The following APP variants were observed in gnomAD, a reference collection of about 807,000 sequenced individuals.
APP encodes the protein amyloid-beta precursor protein.
Under a neutral mutation model 101.4 loss-of-function variants are expected in APP, and 31 were observed. That is an observed-to-expected ratio of 0.31 (90% CI 0.23 to 0.41). APP has a LOEUF of 0.41. APP is among the 10% of genes least tolerant of loss of function. The pLI, the probability that APP is intolerant of heterozygous loss-of-function variation, is 1.00. For synonymous variants in APP, 366 were observed against 364.4 expected (o/e 1.00, Z -0.05); for missense variants, 839 against 1,003.7 (o/e 0.84, Z 2.22).
intron 3 of APP, among the ~76,000 whole-genome samples, chr21:26,057,706 G>A (rs2046099592): frequency 1.3e-5 from 2 of 152,154 alleles, no homozygotes; most frequent in South Asian, 4.2e-4. Flanking sequence ...CAGGTCAAGT[G>A]ACTTGCCCAC....
rs148136205 is a variant in APP, at chr21:25,968,042, C to T, written c.1458+7028G>A. On this transcript the variant is annotated intron_variant, in intron 11 of 17. Coordinates refer to ENST00000346798, the MANE Select transcript of APP (RefSeq NM_000484.4). ...GTTTAGAAGAGTCACTAGCCTTCAACAGAGTAAGAGTTTTTTCTGAGTGCA... is the reference window on the plus strand; with the variant it reads ...GTTTAGAAGAGTCACTAGCCTTCAATAGAGTAAGAGTTTTTTCTGAGTGCA... Among the ~76,000 whole-genome samples, 557 of 152,318 alleles carry T rather than the reference C, an allele frequency of 3.7e-3. 1 individual carries two copies. The highest frequency in any genetic ancestry group is 6.0e-3 in the Non-Finnish European group (405 of 68,028).
chr21:25,887,693 G>T (rs1304169385), intron 17 of APP, among the ~76,000 whole-genome samples: 1 of 150,522 alleles, frequency 6.6e-6, no homozygotes, highest in East Asian at 1.9e-4. Context: ...TTTCTAGTTT[G>T]TTTAGATACG....
intron 1 of APP, among the ~76,000 whole-genome samples, chr21:26,117,272 CA>C (rs1320967567): frequency 1.3e-5 from 2 of 152,270 alleles, no homozygotes; most frequent in Non-Finnish European, 2.9e-5. Flanking sequence ...CTATACCCCA[CA>C]AGAGTGCTTT....
intron 5 of APP, among the ~76,000 whole-genome samples, chr21:26,026,399 A>C (rs927067674): frequency 1.6e-4 from 25 of 152,216 alleles, no homozygotes; most frequent in African/African-American, 5.3e-4. Flanking sequence ...CTGATGATAA[A>C]ATTTTATGTG....
chr21:25,997,291 G>A (rs1568829104), intron 8 of APP, 69 bp downstream of exon 8: 2 of 1,412,328 alleles, frequency 1.4e-6, no homozygotes, highest in South Asian at 1.2e-5. Flanking sequence ...AGGTGATGAT[G>A]CTGGAGTTAT....
chr21:26,056,962 A>G (rs1254213275), intron 3 of APP, among the ~76,000 whole-genome samples: 1 of 152,248 alleles, frequency 6.6e-6, no homozygotes, highest in Non-Finnish European at 1.5e-5. Flanking sequence ...TAAGAGTGCT[A>G]AAAGTATAAT....
intron 1 of APP, among the ~76,000 whole-genome samples, chr21:26,157,215 A>G (rs923939935): frequency 5.3e-5 from 8 of 152,080 alleles, no homozygotes; most frequent in Non-Finnish European, 1.2e-4. Flanking sequence ...GACTACAGGC[A>G]TGCACCACCA....
intron 1 of APP, among the ~76,000 whole-genome samples, chr21:26,122,457 G>A (rs989359991): frequency 5.3e-5 from 8 of 152,118 alleles, no homozygotes; most frequent in Admixed American, 1.3e-4. Flanking sequence ...AGCAGCTATC[G>A]GGGGATAAGG....
intron 15 of APP, among the ~76,000 whole-genome samples, chr21:25,898,256 A>G (rs1410478838): frequency 6.6e-6 from 1 of 152,212 alleles, no homozygotes; most frequent in African/African-American, 2.4e-5. Flanking sequence ...TCTGCTGAAT[A>G]AAGAGCTATA....
At chr21:26,119,822 G>C (rs1842708311) in intron 1 of APP, among the ~76,000 whole-genome samples, 1 of 152,138 alleles carries the variant, frequency 6.6e-6, no homozygotes, top group South Asian at 2.1e-4. Context: ...TGGAGGACTT[G>C]GTAACTGGGC....
At chr21:26,165,101 T>A (rs1356063238) in intron 1 of APP, among the ~76,000 whole-genome samples, 1 of 151,714 alleles carries the variant, frequency 6.6e-6, no homozygotes, top group Non-Finnish European at 1.5e-5. Context: ...CATGTGCTTT[T>A]TAAATTTAGA....
chr21:26,133,999 C>T (rs552415588), intron 1 of APP, among the ~76,000 whole-genome samples: 2 of 152,308 alleles, frequency 1.3e-5, no homozygotes, highest in Non-Finnish European at 2.9e-5. Flanking sequence ...CCATTGACTT[C>T]GCTTATGTTG....
chr21:25,992,381 C>A (rs1461816441), intron 8 of APP, among the ~76,000 whole-genome samples: 1 of 130,376 alleles, frequency 7.7e-6, no homozygotes, highest in Non-Finnish European at 1.6e-5. Context: ...GAGCGAGACT[C>A]CATCTCAAAA....
intron 15 of APP, among the ~76,000 whole-genome samples, chr21:25,904,149 T>C (rs117248165): frequency 0.017 from 2,551 of 152,350 alleles, 38 homozygotes; most frequent in Non-Finnish European, 0.026. Context: ...GTATGTGTTA[T>C]TTGGGATTAA....
At chr21:25,972,119 A>G (rs138987086) in intron 11 of APP, among the ~76,000 whole-genome samples, 30 of 152,360 alleles carry the variant, frequency 2.0e-4, no homozygotes, top group African/African-American at 7.2e-4. Context: ...TTTTCATATA[A>G]TAACTGTATT....
At position 25,881,604 on chromosome 21, in the gene APP, TGG is replaced by T; in HGVS notation, c.*64_*65del. 6.6e-7 allele frequency: 1 copy of T among 1,519,612 alleles called. No homozygotes were observed. The highest frequency in any genetic ancestry group is 2.3e-5 in the East Asian group (1 of 44,408). The allele number at this position is 1,519,612 out of a possible 1,614,324, so 94.1% of individuals were successfully genotyped here. The stretch of plus-strand genomic sequence containing the variant: ...GTTTCTTCCCACATTATTCTATAAA[TGG>T]ACACCGATGGGTAGTGAAGCAATGG... On this transcript the variant is annotated 3_prime_UTR_variant, in exon 18 of 18. Transcript: ENST00000346798.
chr21:25,898,267 G>A (rs2038212417), intron 15 of APP, among the ~76,000 whole-genome samples: 1 of 152,140 alleles, frequency 6.6e-6, no homozygotes, highest in Admixed American at 6.5e-5. Context: ...AAGAGCTATA[G>A]TACATAATTT....
chr21:25,951,165 T>C (rs901356366), intron 13 of APP, among the ~76,000 whole-genome samples: 1 of 152,174 alleles, frequency 6.6e-6, no homozygotes, highest in African/African-American at 2.4e-5. Context: ...CTCACAAGCA[T>C]GATGAACCCT....
At chr21:26,010,588 T>A (rs1435644393) in intron 6 of APP, among the ~76,000 whole-genome samples, 3 of 151,788 alleles carry the variant, frequency 2.0e-5, no homozygotes. Flanking sequence ...GATGGATGGA[T>A]CACTTGAGGT....
Sources: gnomAD v4.1 joint callset for allele counts (sites outside exome capture counted in the v4.1 genomes callset) on GRCh38, gnomAD v4.1.1 for gene constraint, MANE v1.5 for transcripts, NCBI Gene and HGNC (gene_info 2026-07-23, HGNC 2026-07-21) for gene names.